The following UBAP1 variants were observed in gnomAD, a reference collection of about 807,000 sequenced individuals.
UBAP1 encodes the protein ubiquitin associated protein 1, also known as ubiquitin-associated protein 1.
UBAP1 carries 5 observed loss-of-function variants against 39.0 expected under a neutral mutation model. That is an observed-to-expected ratio of 0.13 (90% CI 0.07 to 0.27). UBAP1 has a LOEUF of 0.27. Among genes scored for constraint, UBAP1 ranks in the 10% least tolerant of loss-of-function variants. The pLI is 1.00. For synonymous variants in UBAP1, 211 were observed against 225.1 expected (o/e 0.94, Z 0.56); for missense variants, 490 against 608.1 (o/e 0.81, Z 2.04).
intron 4 of UBAP1, among the ~76,000 whole-genome samples, chr9:34,247,031 C>T (rs1040083497): frequency 6.6e-6 from 1 of 152,092 alleles, no homozygotes; most frequent in Non-Finnish European, 1.5e-5. Flanking sequence ...AAAATAATGA[C>T]AAATGGCTAC....
chr9:34,204,479 T>G (rs189494529), intron 1 of UBAP1, among the ~76,000 whole-genome samples: 2 of 152,232 alleles, frequency 1.3e-5, no homozygotes, highest in African/African-American at 2.4e-5. Flanking sequence ...TTTTTTTTTT[T>G]GAAGAAAACA....
At chr9:34,185,703 G>A (rs1450827978) in intron 1 of UBAP1, among the ~76,000 whole-genome samples, 1 of 152,078 alleles carries the variant, frequency 6.6e-6, no homozygotes, top group Non-Finnish European at 1.5e-5. Flanking sequence ...AAAATTAGCT[G>A]GGCGTGGTGG....
intron 1 of UBAP1, among the ~76,000 whole-genome samples, chr9:34,197,373 C>T (rs1831128443): frequency 6.7e-6 from 1 of 150,010 alleles, no homozygotes; most frequent in African/African-American, 2.5e-5. Context: ...ACAGCCGGGG[C>T]TCAAGCAATC....
chr9:34,207,044 A>ATT (rs1831735948), intron 1 of UBAP1, among the ~76,000 whole-genome samples: 2 of 49,138 alleles, frequency 4.1e-5, no homozygotes, highest in South Asian at 7.0e-4. Context: ...CTTAATTGTT[A>ATT]TTTCTTTTTT....
chr9:34,183,319 G>A (rs1427168228), intron 1 of UBAP1, among the ~76,000 whole-genome samples: 20 of 151,422 alleles, frequency 1.3e-4, no homozygotes, highest in Non-Finnish European at 2.9e-4. Flanking sequence ...CGAGGCGGGC[G>A]GATCATGAGG....
intron 3 of UBAP1, among the ~76,000 whole-genome samples, chr9:34,237,431 A>T (rs1237333618): frequency 6.6e-6 from 1 of 152,204 alleles, no homozygotes; most frequent in East Asian, 1.9e-4. Flanking sequence ...TCTAAAAGGT[A>T]TTACTTTTTT....
rs765878475 is a variant in UBAP1, at chr9:34,234,264, T to G, written c.83T>G (p.Phe28Cys). 1.2e-6 allele frequency: 2 copies of G among 1,613,220 alleles called. No homozygotes were observed. Among genetic ancestry groups the G allele is most frequent in the Non-Finnish European group, 8.5e-7 (1 of 1,179,860 alleles). The change falls in exon 3 of 7, where the codon TTC becomes TGC. Residue 28 changes from phenylalanine (F) to cysteine (C), a missense_variant. Transcript: ENST00000297661. ...DDVPFKTGDK[F>C]KTPAKVGLPI... ...GTCCCATTTAAGACAGGAGACAAAT[T>G]CAAAACACCAGCTAAAGTTGGTCTA...
intron 3 of UBAP1, among the ~76,000 whole-genome samples, chr9:34,237,119 T>A (rs1285384494): frequency 1.3e-5 from 2 of 152,192 alleles, no homozygotes; most frequent in African/African-American, 4.8e-5. Flanking sequence ...AAGGCTCAGT[T>A]ATATAGAAAT....
intron 2 of UBAP1, among the ~76,000 whole-genome samples, chr9:34,227,981 T>C (rs1474905472): frequency 1.3e-5 from 2 of 151,420 alleles, no homozygotes; most frequent in Admixed American, 1.3e-4. Flanking sequence ...TTTAAAAAAT[T>C]AGCTGGGCAT....
intron 3 of UBAP1, among the ~76,000 whole-genome samples, chr9:34,239,434 A>T (rs1327788824): frequency 1.3e-5 from 2 of 152,248 alleles, no homozygotes; most frequent in Non-Finnish European, 2.9e-5. Context: ...AGCTCTAGAC[A>T]GATGGCTTGA....
At chr9:34,198,569 C>T (rs903645702) in intron 1 of UBAP1, among the ~76,000 whole-genome samples, 1 of 152,218 alleles carries the variant, frequency 6.6e-6, no homozygotes, top group Admixed American at 6.5e-5. Flanking sequence ...CGCAGATGGG[C>T]AGAGCTGGTG....
chr9:34,215,892 T>C (rs1474006435), intron 1 of UBAP1, among the ~76,000 whole-genome samples: 2 of 151,952 alleles, frequency 1.3e-5, no homozygotes, highest in Non-Finnish European at 2.9e-5. Flanking sequence ...CTTAGAAAAA[T>C]CTTTATGTGC....
intron 1 of UBAP1, among the ~76,000 whole-genome samples, chr9:34,182,621 T>C (rs1263672387): frequency 4.5e-5 from 1 of 22,164 alleles, no homozygotes; most frequent in Non-Finnish European, 9.0e-5. Flanking sequence ...CTTTCCTTCT[T>C]TCTTTCTTTC....
intron 1 of UBAP1, among the ~76,000 whole-genome samples, chr9:34,187,133 C>G (rs1393477330): frequency 6.6e-6 from 1 of 152,196 alleles, no homozygotes; most frequent in African/African-American, 2.4e-5. Context: ...GTCTTGAACT[C>G]CTGACCTCAG....
At chr9:34,213,631 C>T (rs986552263) in intron 1 of UBAP1, among the ~76,000 whole-genome samples, 3 of 152,140 alleles carry the variant, frequency 2.0e-5, no homozygotes, top group Admixed American at 6.5e-5. Flanking sequence ...TGCCTGTTCT[C>T]ACCACTCCTC....
chr9:34,203,599 T>G (rs184963869), intron 1 of UBAP1, among the ~76,000 whole-genome samples: 1 of 152,350 alleles, frequency 6.6e-6, no homozygotes, highest in East Asian at 1.9e-4. Flanking sequence ...AATATATATT[T>G]GTTTCCATTT....
At chr9:34,231,127 A>ATGTGTGG (rs1410985520) in intron 2 of UBAP1, among the ~76,000 whole-genome samples, 87 of 137,122 alleles carry the variant, frequency 6.3e-4, no homozygotes, top group African/African-American at 2.4e-3. Flanking sequence ...TAAAAAAATT[A>ATGTGTGG]TGTGTGTGTG....
chr9:34,190,972 A>G (rs987818817), intron 1 of UBAP1, among the ~76,000 whole-genome samples: 1 of 151,910 alleles, frequency 6.6e-6, no homozygotes, highest in Non-Finnish European at 1.5e-5. Context: ...TACTGGCATT[A>G]TATTTAGTGG....
chr9:34,231,931 G>C (rs753697237), intron 2 of UBAP1, among the ~76,000 whole-genome samples: 2 of 151,238 alleles, frequency 1.3e-5, no homozygotes, highest in Non-Finnish European at 3.0e-5. Context: ...GTGCCCGGCC[G>C]GGACACTCAA....
Sources: allele counts gnomAD v4.1 joint callset (sites outside exome capture counted in the v4.1 genomes callset), GRCh38; gene constraint gnomAD v4.1.1; transcripts MANE v1.5; gene names NCBI Gene and HGNC (gene_info 2026-07-23, HGNC 2026-07-21).